The following GBX2 variants were observed in gnomAD, a reference collection of about 807,000 sequenced individuals.
GBX2 encodes the protein gastrulation brain homeobox 2.
GBX2 carries 5 observed loss-of-function variants against 22.4 expected under a neutral mutation model. That is an observed-to-expected ratio of 0.22 (90% CI 0.12 to 0.47). The LOEUF (loss-of-function observed/expected upper bound fraction) is 0.47, where lower values mean the gene tolerates loss of function less well. Among genes scored for constraint, GBX2 ranks in the 20% least tolerant of loss-of-function variants. The pLI is 0.99. For synonymous variants in GBX2, 220 were observed against 230.5 expected, an observed-to-expected ratio of 0.95 and a Z score of 0.41; for missense variants, 470 against 495.4, an observed-to-expected ratio of 0.95 and a Z score of 0.49.
At position 236,165,779 on chromosome 2, in the gene GBX2, A is replaced by G. The variant is rs1448196014; in HGVS notation, c.*135T>C. The G allele has an allele frequency of 1.4e-6, 1 of 694,974 alleles. No individual in the cohort carries two copies. Among genetic ancestry groups the G allele is most frequent in the Non-Finnish European group, 2.5e-6 (1 of 407,828 alleles). 43.1% of individuals were successfully genotyped at this position (694,974 alleles called of 1,614,324 possible). A position where few individuals can be genotyped will look rare whatever the true frequency, so the allele number is the denominator to read the frequency against. On this transcript the variant is annotated 3_prime_UTR_variant, in exon 2 of 2. Transcript: ENST00000306318. Reference sequence around the variant, plus strand: ...AGTCTTTTAAGCCCATTTAGTGAATATATTCTCAATTTGCTTGGGATGGCC... The same window carrying G: ...AGTCTTTTAAGCCCATTTAGTGAATGTATTCTCAATTTGCTTGGGATGGCC...
downstream of GBX2, among the ~76,000 whole-genome samples, chr2:236,163,215 G>T (rs762502102): frequency 6.6e-6 from 1 of 152,312 alleles, no homozygotes; most frequent in Non-Finnish European, 1.5e-5. Flanking sequence ...CCTGTCTCCC[G>T]GGCCTTGGCC....
Position 236,168,074 on chromosome 2 carries a change from G to A in GBX2, c.-103C>T. On this transcript the variant is annotated 5_prime_UTR_variant, in exon 1 of 2. Transcript: ENST00000306318. ...GGAGCACCGCCGGGAGCGCCGGGCA[G>A]GGGCCGAGCGGGACCCGGAGAGCAG... 1 of 1,233,516 alleles carries A rather than the reference G, an allele frequency of 8.1e-7. No homozygotes were observed. Among genetic ancestry groups the A allele is most frequent in the East Asian group, 3.3e-5 (1 of 29,996 alleles). 76.4% of individuals were successfully genotyped at this position (1,233,516 alleles called of 1,614,324 possible).
chr2:236,166,600 G>C lies in GBX2; in HGVS notation c.524-163C>G, dbSNP rs1279936185. Among the ~76,000 whole-genome samples, 1 of 151,706 alleles carries C rather than the reference G, an allele frequency of 6.6e-6. No homozygotes were observed. The highest frequency in any genetic ancestry group is 1.5e-5 in the Non-Finnish European group (1 of 67,990). ...GTGATTTCCTGGCCTTTGAGGGGTA[G>C]AGGAGGGGTGGGGGGAGCGTGAGAA... On this transcript the variant is annotated intron_variant, in intron 1 of 1. Coordinates refer to ENST00000306318, the MANE Select transcript of GBX2 (RefSeq NM_001485.4). The surrounding 1 kb of genome is among the most constrained non-coding windows in gnomAD (Gnocchi z 6.6).
Position 236,167,945 on chromosome 2 carries a change from C to T in GBX2, c.27G>A (p.Leu9=). ...TCCCCAGCGGGCGCTGCATCATCAT[C>T]AGCGACGGCGGGAACGCTGCGCTCA... MSAAFPPS[L]MMMQRPLGSS... Residue 9 remains leucine (L), a synonymous_variant, in exon 1 of 2, where the codon CTG becomes CTA. Transcript: ENST00000306318. 6.4e-7 allele frequency: 1 copy of T among 1,562,748 alleles called. No individual in the cohort carries two copies. Among genetic ancestry groups the T allele is most frequent in the Non-Finnish European group, 8.6e-7 (1 of 1,156,728 alleles).
In GBX2 at chr2:236,167,434, G is replaced by A; in HGVS notation, c.523+15C>T. ...TCCCGCCCCCTCGTCCCGGCTGCGC[G>A]CGCCGCCGACTCACCGAGCGAAGCC... On this transcript the variant is annotated intron_variant, in intron 1 of 1. Transcript: ENST00000306318. The A allele has an allele frequency of 6.7e-7, 1 of 1,492,690 alleles. No individual in the cohort carries two copies. The highest frequency in any genetic ancestry group is 8.8e-7 in the Non-Finnish European group (1 of 1,132,940). The allele number at this position is 1,492,690 out of a possible 1,614,324, so 92.5% of individuals were successfully genotyped here.
Position 236,168,063 on chromosome 2 carries a change from A to G in GBX2, c.-92T>C. The G allele has an allele frequency of 7.7e-7, 1 of 1,298,276 alleles. No individual in the cohort carries two copies. Among genetic ancestry groups the G allele is most frequent in the Non-Finnish European group, 9.8e-7 (1 of 1,018,320 alleles). 80.4% of individuals were successfully genotyped at this position (1,298,276 alleles called of 1,614,324 possible). A position where few individuals can be genotyped will look rare whatever the true frequency, so the allele number is the denominator to read the frequency against. ...GCCGGACGCCGGGAGCACCGCCGGG[A>G]GCGCCGGGCAGGGGCCGAGCGGGAC... On this transcript the variant is annotated 5_prime_UTR_variant, in exon 1 of 2. Coordinates refer to ENST00000306318, the MANE Select transcript of GBX2 (RefSeq NM_001485.4).
At position 236,167,961 on chromosome 2, in the gene GBX2, G is replaced by A. The variant is rs773136458; in HGVS notation, c.11C>T (p.Ala4Val). Reference protein sequence around the residue: MSAAFPPSLMMMQR... With the variant: MSAVFPPSLMMMQR... ...CATCATCATCAGCGACGGCGGGAACGCTGCGCTCATAGACGCGCTCGGTAG... is the reference window on the plus strand; with the variant it reads ...CATCATCATCAGCGACGGCGGGAACACTGCGCTCATAGACGCGCTCGGTAG... The change falls in exon 1 of 2, where the codon GCG becomes GTG. Residue 4 changes from alanine (A) to valine (V), a missense_variant. Around this residue, in one of 4 missense-constraint regions of GBX2, gnomAD observed 377 missense variants for 358.6 expected, o/e 1.05. Transcript: ENST00000306318. 26 of 1,558,450 alleles carry A rather than the reference G, an allele frequency of 1.7e-5. No homozygotes were observed. In the East Asian group the frequency reaches 6.9e-4, roughly 41 times the overall value.
At chr2:236,167,186 G>T (rs966067368) in intron 1 of GBX2, 1 of 1,535,250 alleles carries the variant, frequency 6.5e-7, no homozygotes, top group Non-Finnish European at 8.7e-7. Flanking sequence ...TCGGCCAAAC[G>T]CATCGTCAGA....
rs778868716 is a variant in GBX2, at chr2:236,167,853, A to T, written c.119T>A (p.Val40Asp). The change falls in exon 1 of 2, where the codon GTC becomes GAC. Residue 40 changes from valine to aspartate, a missense_variant. Physicochemically the swap from Val to Asp is radical, Grantham distance 152 (BLOSUM62 -3). This residue lies in a region of GBX2 where 377 missense variants were observed against 358.6 expected (regional missense o/e 1.05). Transcript: ENST00000306318. ...CATGAACATGGGGTAGCCGGTGTAGACGAAATGGCCGGGGCTGGGCTGCGG... is the reference window on the plus strand; with the variant it reads ...CATGAACATGGGGTAGCCGGTGTAGTCGAAATGGCCGGGGCTGGGCTGCGG... ...SPPQPSPGHF[V>D]YTGYPMFMPY... 1.8e-5 allele frequency: 27 copies of T among 1,525,286 alleles called. No individual in the cohort carries two copies. Among genetic ancestry groups the T allele is most frequent in the Non-Finnish European group, 2.4e-5 (27 of 1,138,338 alleles). The allele number at this position is 1,525,286 out of a possible 1,614,324, so 94.5% of individuals were successfully genotyped here. A position where few individuals can be genotyped will look rare whatever the true frequency, so the allele number is the denominator to read the frequency against.
downstream of GBX2, among the ~76,000 whole-genome samples, chr2:236,163,738 C>T (rs1226167030): frequency 6.6e-6 from 1 of 152,214 alleles, no homozygotes; most frequent in African/African-American, 2.4e-5. Context: ...GCCTCGAATG[C>T]TGCAGCAGCG....
downstream of GBX2, among the ~76,000 whole-genome samples, chr2:236,164,602 C>A (rs894505592): frequency 6.6e-6 from 1 of 152,128 alleles, no homozygotes; most frequent in Admixed American, 6.5e-5. Flanking sequence ...TGCGGACTAC[C>A]GGGGCGTCCT....
chr2:236,161,806 G>T (rs758371496), downstream of GBX2, among the ~76,000 whole-genome samples: 1 of 152,216 alleles, frequency 6.6e-6, no homozygotes, highest in Non-Finnish European at 1.5e-5. Flanking sequence ...AGTCCAGCAG[G>T]GGAAAGAAGA....
intron 1 of GBX2, 54 bp downstream of exon 1, chr2:236,167,395 C>G: frequency 7.1e-7 from 1 of 1,414,384 alleles, no homozygotes. Context: ...CGGCGCTGGC[C>G]CGCCCCCGCC....
downstream of GBX2, among the ~76,000 whole-genome samples, chr2:236,164,259 G>T (rs887499403): frequency 2.6e-5 from 4 of 152,112 alleles, no homozygotes; most frequent in Non-Finnish European, 5.9e-5. Flanking sequence ...CATCGCAGCG[G>T]CTCACCGGCC....
chr2:236,167,652 G>A lies in GBX2; in HGVS notation c.320C>T (p.Thr107Met). 1 of 1,593,054 alleles carries A rather than the reference G, an allele frequency of 6.3e-7. No individual in the cohort carries two copies. ...GMALTSTLMA[T>M]LPGGFSASPQ... ...CGACGCGGAGAAGCCGCCGGGGAGC[G>A]TGGCCATGAGCGTAGAGGTGAGCGC... Residue 107 changes from threonine to methionine, a missense_variant, in exon 1 of 2, where the codon ACG becomes ATG. Physicochemically the swap from Thr to Met is moderately conservative, Grantham distance 81. This residue lies in a region of GBX2 where 377 missense variants were observed against 358.6 expected (regional missense o/e 1.05). Coordinates refer to ENST00000306318, the MANE Select transcript of GBX2 (RefSeq NM_001485.4).
chr2:236,162,677 G>A (rs1315996149), downstream of GBX2, among the ~76,000 whole-genome samples: 1 of 152,212 alleles, frequency 6.6e-6, no homozygotes, highest in African/African-American at 2.4e-5. Flanking sequence ...GCGGGGTGCA[G>A]GCAGCCCTGA....
In GBX2 at chr2:236,166,705, C is replaced by T. The variant is rs1402824412; in HGVS notation, c.524-268G>A. On this transcript the variant is annotated intron_variant, in intron 1 of 1. Transcript: ENST00000306318. The surrounding 1 kb of genome is among the most constrained non-coding windows in gnomAD (Gnocchi z 6.6). ...TCAAAGGGCCGCCATGCCTCCCCCG[C>T]ACCCTCCCAGCCTCGGCAGCGTCAG... 1.3e-5 allele frequency among the ~76,000 whole-genome samples: 2 copies of T among 152,070 alleles called. No individual in the cohort carries two copies. Among genetic ancestry groups the T allele is most frequent in the Non-Finnish European group, 2.9e-5 (2 of 68,022 alleles).
intron 1 of GBX2, 61 bp downstream of exon 1, chr2:236,167,388 C>A (rs2060246255): frequency 8.5e-6 from 12 of 1,412,766 alleles, no homozygotes; most frequent in Non-Finnish European, 1.1e-5. Context: ...GGGAACCCGG[C>A]GCTGGCCCGC....
chr2:236,166,428 A>G lies in GBX2; in HGVS notation c.533T>C (p.Val178Ala), dbSNP rs1482692780. Residue 178 changes from valine (V) to alanine (A), a missense_variant, in exon 2 of 2, where the codon GTC becomes GCC. Transcript: ENST00000306318. This position sits in a 1 kb window ranked among gnomAD's most constrained non-coding sequence, Gnocchi z 6.6. ...TGACTCGTCTTTCCCTTGCCCTCGG[A>G]CAGCCCCGACTGAAAGCAAAACCAA... ...ETVQASLVGA[V>A]RGQGKDESKV... 6.2e-7 allele frequency: 1 copy of G among 1,609,526 alleles called. No individual in the cohort carries two copies.
Sources: allele counts gnomAD v4.1 joint callset (sites outside exome capture counted in the v4.1 genomes callset), GRCh38; gene constraint gnomAD v4.1.1; regional missense constraint gnomAD v4.1.1; non-coding constraint Gnocchi (gnomAD v3.1); transcripts MANE v1.5; gene names NCBI Gene and HGNC (gene_info 2026-07-23, HGNC 2026-07-21).